CHAF1A: variants seen among roughly 807,000 people sequenced by gnomAD.
CHAF1A encodes the protein CAF-1 subunit A.
A neutral mutation model predicts 93.2 loss-of-function variants in CHAF1A; 5 were observed. The ratio of observed to expected loss-of-function variants is 0.05; its 90% CI spans 0.03 to 0.11. The LOEUF is 0.11. CHAF1A is among the 10% of genes least tolerant of loss of function. The probability of loss-of-function intolerance (pLI) is 1.00; values close to 1 mark genes in which losing one functional copy is unlikely to be tolerated. For missense variants in CHAF1A, 1,102 were observed against 1,259.9 expected, an observed-to-expected ratio of 0.87 and a Z score of 1.90; for synonymous variants, 504 against 510.3, an observed-to-expected ratio of 0.99 and a Z score of 0.17.
chr19:4,425,053 G>T (rs190427888), intron 7 of CHAF1A, among the ~76,000 whole-genome samples: 5 of 152,242 alleles, frequency 3.3e-5, no homozygotes, highest in African/African-American at 9.6e-5. Flanking sequence ...TGGATTACAG[G>T]TGTGAGTCCC....
chr19:4,448,478 C>T, downstream of CHAF1A: 2 of 1,366,046 alleles, frequency 1.5e-6, no homozygotes. Flanking sequence ...CCCTCCGCTG[C>T]CCAGGTAACA....
intron 2 of CHAF1A, among the ~76,000 whole-genome samples, chr19:4,408,339 C>T (rs1283965627): frequency 1.3e-5 from 2 of 151,782 alleles, no homozygotes; most frequent in East Asian, 3.9e-4. Context: ...AATGCAGGCG[C>T]CCGCCACCTC....
At position 4,433,530 on chromosome 19, in the gene CHAF1A, C is replaced by T. The variant is rs367905902; in HGVS notation, c.2664C>T (p.His888=). Reference sequence around the variant, plus strand: ...CCCAATTCATGAAGAAGCGCAGGCACGACGGCCAGGTGAGGTGGGGTGGGC... The same window carrying T: ...CCCAATTCATGAAGAAGCGCAGGCATGACGGCCAGGTGAGGTGGGGTGGGC... The part of the protein sequence containing the change: ...CITQFMKKRR[H]DGQIGAEDMD... The change falls in exon 13 of 15, where the codon CAC becomes CAT. Residue 888 remains histidine, a synonymous_variant. Transcript: ENST00000301280. The surrounding 1 kb of genome is among the most constrained non-coding windows in gnomAD (Gnocchi z 5.6). The T allele has an allele frequency of 1.5e-4, 244 of 1,574,866 alleles. No individual in the cohort carries two copies. Among genetic ancestry groups the T allele is most frequent in the Middle Eastern group, 1.0e-3 (6 of 5,906 alleles).
downstream of CHAF1A, chr19:4,445,650 G>A: frequency 6.2e-7 from 1 of 1,600,644 alleles, no homozygotes. Context: ...CCGTCACTCT[G>A]AGACCGAGAG....
intron 4 of CHAF1A, among the ~76,000 whole-genome samples, chr19:4,419,143 G>C (rs945435374): frequency 6.8e-6 from 1 of 146,104 alleles, no homozygotes; most frequent in Non-Finnish European, 1.5e-5. Context: ...GCCTCCCAAA[G>C]TGCTAGGATT....
Position 4,434,664 on chromosome 19 carries a change from CT to C in CHAF1A, c.2673+1135del, listed in dbSNP as rs142900555. 2.9e-4 allele frequency among the ~76,000 whole-genome samples: 44 copies of C among 149,552 alleles called. 1 individual carries two copies. The South Asian group carries it at 7.8e-3, about 27-fold the overall frequency. On this transcript the variant is annotated intron_variant, in intron 13 of 14. Transcript: ENST00000301280. ...CGTGTCTGTTTGTGGCTTGATAGCT[CT>C]TTTTTTTTTCACACTGAATAATATT...
downstream of CHAF1A, among the ~76,000 whole-genome samples, chr19:4,444,142 C>T (rs563244980): frequency 6.6e-5 from 10 of 152,246 alleles, no homozygotes; most frequent in African/African-American, 2.2e-4. Flanking sequence ...GCCTGCAGGA[C>T]GCAGGACTGG....
chr19:4,409,167 C>G lies in CHAF1A; in HGVS notation c.368C>G (p.Ser123Trp). The G allele has an allele frequency of 6.2e-7, 1 of 1,614,156 alleles. No individual in the cohort carries two copies. The highest frequency in any genetic ancestry group is 2.2e-5 in the East Asian group (1 of 44,888). Reference sequence around the variant, plus strand: ...GTCATCATTGATTTGACAGAGGACTCGAATGAGCAGCCAGACAGTCTTGTG... The same window carrying G: ...GTCATCATTGATTTGACAGAGGACTGGAATGAGCAGCCAGACAGTCTTGTG... ...STVIIDLTED[S>W]NEQPDSLVDH... Residue 123 changes from serine (S) to tryptophan (W), a missense_variant, in exon 3 of 15, where the codon TCG becomes TGG. This residue lies in a region of CHAF1A where 379 missense variants were observed against 365.7 expected (regional missense o/e 1.04). Transcript: ENST00000301280.
At chr19:4,410,192 C>A (rs545488582) in intron 3 of CHAF1A, among the ~76,000 whole-genome samples, 2 of 151,918 alleles carry the variant, frequency 1.3e-5, no homozygotes, top group Non-Finnish European at 2.9e-5. Context: ...GGCAGTGAGA[C>A]GGCAGGAAGC....
At chr19:4,410,408 A>G (rs1287232349) in intron 3 of CHAF1A, among the ~76,000 whole-genome samples, 1 of 147,902 alleles carries the variant, frequency 6.8e-6, no homozygotes. Flanking sequence ...TTTTTGACAG[A>G]GTCACTCTAT....
At chr19:4,420,502 C>G (rs1228295597) in intron 4 of CHAF1A, among the ~76,000 whole-genome samples, 1 of 152,174 alleles carries the variant, frequency 6.6e-6, no homozygotes, top group Non-Finnish European at 1.5e-5. Flanking sequence ...CTCGGCTTCC[C>G]AAAGTGCTGG....
At chr19:4,419,309 G>C (rs1351935686) in intron 4 of CHAF1A, among the ~76,000 whole-genome samples, 1 of 152,166 alleles carries the variant, frequency 6.6e-6, no homozygotes, top group East Asian at 1.9e-4. Context: ...GAGGGGCCTG[G>C]TGACCATGGG....
chr19:4,423,981 G>C (rs1974037037), intron 7 of CHAF1A, 107 bp downstream of exon 7: 1 of 1,030,534 alleles, frequency 9.7e-7, no homozygotes, highest in African/African-American at 1.6e-5. Flanking sequence ...AGGAGGGAGG[G>C]AGCCTCCAGT....
At chr19:4,447,523 G>C (rs763701564), downstream of CHAF1A, 3 of 1,612,102 alleles carry the variant, frequency 1.9e-6, no homozygotes, top group Non-Finnish European at 2.5e-6. Context: ...CCCAGCCTGG[G>C]CCCCGGGGGC....
rs1973749381 is a variant in CHAF1A, at chr19:4,409,457, AAGG to A, written c.661_663del (p.Glu221del). ...GAGTGGCCCGAGAATGTGCCCCAGA[AAGG>A]AGCAGGACAGTTGGAGTGAAGCTGG... On this transcript the variant is annotated inframe_deletion, in exon 3 of 15. Transcript: ENST00000301280. 6.2e-7 allele frequency: 1 copy of A among 1,614,038 alleles called. No homozygotes were observed. Among genetic ancestry groups the A allele is most frequent in the Non-Finnish European group, 8.5e-7 (1 of 1,179,990 alleles).
At position 4,411,644 on chromosome 19, in the gene CHAF1A, C is replaced by CTTTTTTTGTTTTTTTTTTTTTTT. The variant is rs1973802289; in HGVS notation, c.960+1892_960+1893insGTTTTTTTTTTTTTTTTTTTTTT. ...GAAATGTTGTAAAAATGGTGCAAAT[C>CTTTTTTTGTTTTTTTTTTTTTTT]TTTTTTTTTTTTTTTTTTTTTGAGA... is the stretch of plus-strand genomic sequence containing the variant. On this transcript the variant is annotated intron_variant, in intron 3 of 14. Transcript: ENST00000301280. 4.1e-5 allele frequency among the ~76,000 whole-genome samples: 2 copies of CTTTTTTTGTTTTTTTTTTTTTTT among 48,202 alleles called. 1 individual carries two copies. Among genetic ancestry groups the CTTTTTTTGTTTTTTTTTTTTTTT allele is most frequent in the Non-Finnish European group, 8.1e-5 (2 of 24,608 alleles). The allele number at this position is 48,202 out of a possible 152,430, so 31.6% of individuals were successfully genotyped here. A position where few individuals can be genotyped will look rare whatever the true frequency, so the allele number is the denominator to read the frequency against.
At chr19:4,447,750 C>T (rs2145173960), downstream of CHAF1A, 1 of 958,876 alleles carries the variant, frequency 1.0e-6, no homozygotes, top group Non-Finnish European at 1.7e-6. Flanking sequence ...AAGAAGCGGC[C>T]CAGTGACGCG....
chr19:4,436,795 G>A (rs1020851230), intron 13 of CHAF1A, among the ~76,000 whole-genome samples: 11 of 151,906 alleles, frequency 7.2e-5, no homozygotes, highest in African/African-American at 4.8e-5. Context: ...GCAGTGCCCC[G>A]CCCCTGGTCC....
intron 3 of CHAF1A, among the ~76,000 whole-genome samples, chr19:4,413,316 C>T (rs556960644): frequency 9.2e-5 from 14 of 152,196 alleles, no homozygotes; most frequent in South Asian, 8.3e-4. Flanking sequence ...GTGATCCGCC[C>T]GCCTCGGCCT....
Sources: gnomAD v4.1 joint callset for allele counts (sites outside exome capture counted in the v4.1 genomes callset) on GRCh38, gnomAD v4.1.1 for gene constraint, gnomAD v4.1.1 regional missense constraint, Gnocchi (gnomAD v3.1) non-coding constraint, MANE v1.5 for transcripts, NCBI Gene and HGNC (gene_info 2026-07-23, HGNC 2026-07-21) for gene names.